The following DHRSX variants were observed in gnomAD, a reference collection of about 807,000 sequenced individuals.
DHRSX encodes the protein dehydrogenase/reductase X-linked.
Under a neutral mutation model 34.0 loss-of-function variants are expected in DHRSX, and 31 were observed. That is an observed-to-expected ratio of 0.91 (90% CI 0.69 to 1.23). The LOEUF (loss-of-function observed/expected upper bound fraction) is 1.23, where lower values mean the gene tolerates loss of function less well. Ranked by LOEUF, DHRSX falls within the 50% of genes most tolerant of loss-of-function variation. DHRSX has a pLI of 0.00. For synonymous variants in DHRSX, 201 were observed against 183.8 expected, an observed-to-expected ratio of 1.09 and a Z score of -0.76; for missense variants, 414 against 428.1, an observed-to-expected ratio of 0.97 and a Z score of 0.29.
chrX:2,314,443 AAGGGGAGAAGGG>A (rs1325479129), intron 3 of DHRSX, among the ~76,000 whole-genome samples: 10 of 110,104 alleles, frequency 9.1e-5, no homozygotes, highest in African/African-American at 5.8e-4. Flanking sequence ...GGGAGGAAGG[AAGGGGAGAAGGG>A]AGGAAGGAAG....
At chrX:2,381,600 C>A (rs1040499263) in intron 3 of DHRSX, among the ~76,000 whole-genome samples, 2 of 151,586 alleles carry the variant, frequency 1.3e-5, no homozygotes, top group African/African-American at 4.9e-5. Flanking sequence ...CCAGCCTGGG[C>A]AACAAGAGGG....
intron 1 of DHRSX, among the ~76,000 whole-genome samples, chrX:2,477,248 G>A (rs868080118): frequency 5.4e-5 from 8 of 148,772 alleles, no homozygotes; most frequent in East Asian, 1.9e-4. Context: ...TGGGTACCAC[G>A]ACTTAGTGTC....
chrX:2,223,336 C>T (rs1341128453), intron 6 of DHRSX, among the ~76,000 whole-genome samples: 1 of 152,220 alleles, frequency 6.6e-6, no homozygotes, highest in African/African-American at 2.4e-5. Context: ...TTTGCTCCTC[C>T]TTCACCTTCC....
At chrX:2,430,347 G>C (rs1410644507) in intron 1 of DHRSX, among the ~76,000 whole-genome samples, 1 of 151,610 alleles carries the variant, frequency 6.6e-6, no homozygotes, top group Admixed American at 6.6e-5. Flanking sequence ...TTTTCCTTAC[G>C]GACCAGGAAG....
At chrX:2,430,177 TG>T (rs1159553210) in intron 1 of DHRSX, among the ~76,000 whole-genome samples, 3 of 144,178 alleles carry the variant, frequency 2.1e-5, no homozygotes, top group African/African-American at 7.7e-5. Flanking sequence ...GAGGTGCCCG[TG>T]GGGTCTTCCC....
In DHRSX at chrX:2,399,105, C is replaced by A. The variant is rs189109244; in HGVS notation, c.286+9640G>T. Among the ~76,000 whole-genome samples the A allele has an allele frequency of 3.4e-5, 5 of 145,278 alleles. No individual in the cohort carries two copies. The East Asian group carries it at 1.0e-3, about 30-fold the overall frequency. On this transcript the variant is annotated intron_variant, in intron 3 of 6. Transcript: ENST00000334651. ...TCCTGATCTCGTGATCTGCCCGCCT[C>A]GGCCATAGAGATTTGGAAGGTTATT...
At chrX:2,491,068 T>TG (rs1335725079) in intron 1 of DHRSX, among the ~76,000 whole-genome samples, 2 of 115,628 alleles carry the variant, frequency 1.7e-5, no homozygotes, top group East Asian at 4.7e-4. Context: ...TGCCTTTAGT[T>TG]TTTTTTTTTT....
chrX:2,261,640 C>CG (rs1455030811), intron 5 of DHRSX: 2 of 151,878 alleles, frequency 1.3e-5, no homozygotes, highest in African/African-American at 4.8e-5. Flanking sequence ...GACGTGGTGG[C>CG]GGGTGCCTGT....
chrX:2,286,093 CTG>C (rs1044602023), intron 4 of DHRSX, among the ~76,000 whole-genome samples: 28 of 152,170 alleles, frequency 1.8e-4, no homozygotes, highest in African/African-American at 5.3e-4. Context: ...TCAACGCTGA[CTG>C]TGTAGAATCC....
At chrX:2,299,512 C>T (rs2041986093) in intron 3 of DHRSX, among the ~76,000 whole-genome samples, 1 of 152,088 alleles carries the variant, frequency 6.6e-6, no homozygotes, top group Non-Finnish European at 1.5e-5. Flanking sequence ...TCCAACTTTT[C>T]TTTTATTTGC....
chrX:2,345,383 C>G (rs1262533224), intron 3 of DHRSX, among the ~76,000 whole-genome samples: 3 of 151,504 alleles, frequency 2.0e-5, no homozygotes, highest in Non-Finnish European at 2.9e-5. Context: ...TGGCTCACAC[C>G]TATAATCCCA....
intron 2 of DHRSX, among the ~76,000 whole-genome samples, chrX:2,411,289 A>ATC (rs1345744377): frequency 6.6e-6 from 1 of 151,932 alleles, no homozygotes; most frequent in Non-Finnish European, 1.5e-5. Flanking sequence ...CATGCCTGTA[A>ATC]TCTCAGCCCT....
chrX:2,295,134 T>C (rs910761886), intron 3 of DHRSX, among the ~76,000 whole-genome samples: 15 of 152,166 alleles, frequency 9.9e-5, no homozygotes, highest in Non-Finnish European at 1.9e-4. Context: ...CATACGTTTA[T>C]TGCGGAACTA....
At chrX:2,410,531 T>C (rs1237491933) in intron 2 of DHRSX, among the ~76,000 whole-genome samples, 2 of 152,196 alleles carry the variant, frequency 1.3e-5, no homozygotes, top group African/African-American at 4.8e-5. Context: ...TCCCTCTCTT[T>C]GGCATTCCTG....
chrX:2,497,097 A>C (rs2045304664), intron 1 of DHRSX, among the ~76,000 whole-genome samples: 1 of 152,068 alleles, frequency 6.6e-6, no homozygotes, highest in African/African-American at 2.4e-5. Flanking sequence ...AAGAGATTCT[A>C]TGATCAAGGA....
chrX:2,479,030 T>C (rs2044727186), intron 1 of DHRSX, among the ~76,000 whole-genome samples: 1 of 150,518 alleles, frequency 6.6e-6, no homozygotes, highest in Non-Finnish European at 1.5e-5. Flanking sequence ...AGTCATTCCC[T>C]AAGCATGTAG....
chrX:2,350,852 T>C (rs769025279), intron 3 of DHRSX, among the ~76,000 whole-genome samples: 1 of 152,198 alleles, frequency 6.6e-6, no homozygotes, highest in South Asian at 2.1e-4. Context: ...ATGATAAGAC[T>C]GGATAAAGAA....
chrX:2,355,499 C>G (rs1483956235), intron 3 of DHRSX, among the ~76,000 whole-genome samples: 2 of 109,322 alleles, frequency 1.8e-5, no homozygotes, highest in African/African-American at 3.3e-5. Flanking sequence ...GTGACAAGAG[C>G]GAGACCCCAT....
At chrX:2,388,760 T>G (rs1404005255) in intron 3 of DHRSX, among the ~76,000 whole-genome samples, 1 of 141,702 alleles carries the variant, frequency 7.1e-6, no homozygotes, top group Non-Finnish European at 1.5e-5. Flanking sequence ...TCAGGAGGAA[T>G]CAGCCTTGCC....
Sources: allele counts gnomAD v4.1 joint callset (sites outside exome capture counted in the v4.1 genomes callset), GRCh38; gene constraint gnomAD v4.1.1; transcripts MANE v1.5; gene names NCBI Gene and HGNC (gene_info 2026-07-23, HGNC 2026-07-21).